Variants in EDN3 observed in about 807,000 individuals in gnomAD.
EDN3 encodes endothelin-3.
A neutral mutation model predicts 21.4 loss-of-function variants in EDN3; 9 were observed. The ratio of observed to expected loss-of-function variants is 0.42; its 90% CI spans 0.25 to 0.73. The LOEUF (loss-of-function observed/expected upper bound fraction) is 0.73. EDN3 is among the 30% of genes least tolerant of loss of function. The pLI, the probability that EDN3 is intolerant of heterozygous loss-of-function variation, is 0.26. For missense variants in EDN3, 327 were observed against 309.4 expected, an observed-to-expected ratio of 1.06 and a Z score of -0.43; for synonymous variants, 133 against 126.2, an observed-to-expected ratio of 1.05 and a Z score of -0.36.
chr20:59,312,541 A>T (rs1043932941), intron 2 of EDN3, among the ~76,000 whole-genome samples: 10 of 152,320 alleles, frequency 6.6e-5, no homozygotes, highest in African/African-American at 2.4e-4. Context: ...TGATGAGATG[A>T]TAAATGCTGC....
chr20:59,313,529 G>A (rs1989971776), intron 2 of EDN3, among the ~76,000 whole-genome samples: 2 of 152,206 alleles, frequency 1.3e-5, no homozygotes, highest in African/African-American at 4.8e-5. Context: ...GAGGGGGAAA[G>A]GAGGGGGATA....
chr20:59,303,450 T>C (rs1989185306), intron 2 of EDN3, among the ~76,000 whole-genome samples: 1 of 152,234 alleles, frequency 6.6e-6, no homozygotes, highest in African/African-American at 2.4e-5. Flanking sequence ...TGGAGGGCAC[T>C]GGGCAGTCAC....
chr20:59,316,903 A>T (rs1027679258), intron 2 of EDN3, among the ~76,000 whole-genome samples: 5 of 152,192 alleles, frequency 3.3e-5, no homozygotes, highest in African/African-American at 1.2e-4. Context: ...TTTTCTAAGG[A>T]TATTTGGATT....
intron 4 of EDN3, 27 bp from the exon 5 acceptor site, chr20:59,324,304 T>A: frequency 6.2e-7 from 1 of 1,614,096 alleles, no homozygotes; most frequent in South Asian, 1.1e-5. Context: ...TTCTTTTTTT[T>A]TCTTTTGCCC....
At chr20:59,316,470 A>G (rs1201685741) in intron 2 of EDN3, among the ~76,000 whole-genome samples, 1 of 152,254 alleles carries the variant, frequency 6.6e-6, no homozygotes, top group Non-Finnish European at 1.5e-5. Context: ...GAATCTGGTC[A>G]GTGGGAATAT....
chr20:59,301,610 G>A lies in EDN3; in HGVS notation c.253G>A (p.Ala85Thr), dbSNP rs1989038251. Residue 85 changes from alanine to threonine, a missense_variant, in exon 2 of 5, where the codon GCC (alanine) becomes ACC (threonine). Coordinates refer to ENST00000337938, the MANE Select transcript of EDN3 (RefSeq NM_207034.3). The stretch of plus-strand genomic sequence containing the variant: ...TGGAAGCCCTGGGCAGGAGCAGGCG[G>A]CCGAGGGGGCCCCTGAGCACCACCG... ...SPGSPGQEQAAEGAPEHHRSR... is the reference protein window; with the variant it reads ...SPGSPGQEQATEGAPEHHRSR... 1.2e-6 allele frequency: 2 copies of A among 1,613,988 alleles called. No individual in the cohort carries two copies. The highest frequency in any genetic ancestry group is 1.7e-5 in the Admixed American group (1 of 60,012).
At chr20:59,320,694 TG>T (rs1281521781) in intron 2 of EDN3, among the ~76,000 whole-genome samples, 1 of 152,168 alleles carries the variant, frequency 6.6e-6, no homozygotes, top group Non-Finnish European at 1.5e-5. Context: ...GTGCCTTGGG[TG>T]AGGCTAAGGG....
chr20:59,324,219 G>T, intron 4 of EDN3, 112 bp from the exon 5 acceptor site: 1 of 1,354,086 alleles, frequency 7.4e-7, no homozygotes, highest in Non-Finnish European at 1.1e-6. Context: ...CAGGGAACAG[G>T]CTGGAGAGGC....
At chr20:59,311,736 C>T (rs139931589) in intron 2 of EDN3, among the ~76,000 whole-genome samples, 30 of 151,950 alleles carry the variant, frequency 2.0e-4, no homozygotes, top group African/African-American at 7.2e-4. Context: ...CCGTCTCATC[C>T]AATGAGTAAG....
chr20:59,319,771 A>G (rs1000664372), intron 2 of EDN3, among the ~76,000 whole-genome samples: 4 of 152,000 alleles, frequency 2.6e-5, no homozygotes, highest in African/African-American at 9.7e-5. Flanking sequence ...AAAAGAAAAG[A>G]AAAAAGAAAA....
At chr20:59,302,785 C>T (rs1172670018) in intron 2 of EDN3, among the ~76,000 whole-genome samples, 1 of 152,138 alleles carries the variant, frequency 6.6e-6, no homozygotes, top group Non-Finnish European at 1.5e-5. Flanking sequence ...CCTTTGCCAC[C>T]GTGTCCCGGA....
In EDN3 at chr20:59,324,597, T is replaced by TA; in HGVS notation, c.*139dup. 9.2e-7 allele frequency: 1 copy of TA among 1,089,582 alleles called. No individual in the cohort carries two copies. The highest frequency in any genetic ancestry group is 1.3e-6 in the Non-Finnish European group (1 of 768,336). 67.5% of individuals were successfully genotyped at this position (1,089,582 alleles called of 1,614,324 possible). ...CACCCAAAGAGTCCCCACTTAACAA[T>TA]ACCCCCCCCCCACGGCAAGAATGCC... On this transcript the variant is annotated 3_prime_UTR_variant, in exon 5 of 5. Transcript: ENST00000337938.
Position 59,301,619 on chromosome 20 carries a change from G to T in EDN3, c.262G>T (p.Ala88Ser), listed in dbSNP as rs763369291. Residue 88 changes from alanine (A) to serine (S), a missense_variant, in exon 2 of 5, where the codon GCC (alanine) becomes TCC (serine). By Grantham distance (99) the Ala-to-Ser change is moderately conservative. Transcript: ENST00000337938. ...TGGGCAGGAGCAGGCGGCCGAGGGGGCCCCTGAGCACCACCGATCCAGGCG... is the reference window on the plus strand; with the variant it reads ...TGGGCAGGAGCAGGCGGCCGAGGGGTCCCCTGAGCACCACCGATCCAGGCG... ...SPGQEQAAEGAPEHHRSRRCT... is the reference protein window; with the variant it reads ...SPGQEQAAEGSPEHHRSRRCT... 8.1e-6 allele frequency: 13 copies of T among 1,614,104 alleles called. No individual in the cohort carries two copies. The South Asian group carries it at 1.2e-4, about 15-fold the overall frequency.
At chr20:59,323,792 A>G (rs2146888204) in intron 4 of EDN3, 1 of 432,084 alleles carries the variant, frequency 2.3e-6, no homozygotes, top group Non-Finnish European at 4.1e-6. Context: ...AGCCCTATAT[A>G]GGAGAAGCAC....
At chr20:59,303,688 C>G (rs1359602636) in intron 2 of EDN3, among the ~76,000 whole-genome samples, 1 of 152,116 alleles carries the variant, frequency 6.6e-6, no homozygotes, top group African/African-American at 2.4e-5. Flanking sequence ...ACCCTGTGAT[C>G]TGTTTAAAAT....
intron 2 of EDN3, 51 bp from the exon 3 acceptor site, chr20:59,320,965 CT>C: frequency 1.2e-6 from 2 of 1,609,952 alleles, no homozygotes; most frequent in Admixed American, 1.7e-5. Flanking sequence ...TTGGGGGCCC[CT>C]GAGCAGGGAG....
chr20:59,301,618 G>A lies in EDN3; in HGVS notation c.261G>A (p.Gly87=), dbSNP rs139978625. Residue 87 remains glycine, a synonymous_variant, in exon 2 of 5, where the codon GGG becomes GGA. Coordinates refer to ENST00000337938, the MANE Select transcript of EDN3 (RefSeq NM_207034.3). The part of the protein sequence containing the change: ...GSPGQEQAAE[G]APEHHRSRRC... ...CTGGGCAGGAGCAGGCGGCCGAGGG[G>A]GCCCCTGAGCACCACCGATCCAGGC... 10 of 1,613,982 alleles carry A rather than the reference G, an allele frequency of 6.2e-6. No individual in the cohort carries two copies. The highest frequency in any genetic ancestry group is 1.3e-5 in the African/African-American group (1 of 74,926).
chr20:59,322,501 G>C lies in EDN3; in HGVS notation c.588+84G>C, dbSNP rs1263703711. ...TTCGGGGGTGGGTGGAGGGTGTTTTGAGGGGATGGCATCTGGTCTGGTCCA... is the reference window on the plus strand; with the variant it reads ...TTCGGGGGTGGGTGGAGGGTGTTTTCAGGGGATGGCATCTGGTCTGGTCCA... On this transcript the variant is annotated intron_variant, in intron 4 of 4. Coordinates refer to ENST00000337938, the MANE Select transcript of EDN3 (RefSeq NM_207034.3). This position sits in a 1 kb window ranked among gnomAD's most constrained non-coding sequence, Gnocchi z 4.1. 6.3e-7 allele frequency: 1 copy of C among 1,577,558 alleles called. No homozygotes were observed. The highest frequency in any genetic ancestry group is 8.7e-7 in the Non-Finnish European group (1 of 1,148,646).
intron 2 of EDN3, among the ~76,000 whole-genome samples, chr20:59,303,599 G>A (rs1405617601): frequency 3.3e-5 from 5 of 152,162 alleles, no homozygotes; most frequent in African/African-American, 1.2e-4. Context: ...TCTTTCATTC[G>A]TTGCCTGTTT....
Sources: gnomAD v4.1 joint callset for allele counts (sites outside exome capture counted in the v4.1 genomes callset) on GRCh38, gnomAD v4.1.1 for gene constraint, Gnocchi (gnomAD v3.1) non-coding constraint, MANE v1.5 for transcripts, NCBI Gene and HGNC (gene_info 2026-07-23, HGNC 2026-07-21) for gene names.